The following XRCC4 variants were observed in gnomAD, a reference collection of about 807,000 sequenced individuals.
XRCC4 encodes the protein X-ray repair cross complementing 4.
A neutral mutation model predicts 39.1 loss-of-function variants in XRCC4; 28 were observed. That is an observed-to-expected ratio of 0.72 (90% CI 0.53 to 0.98). The LOEUF (loss-of-function observed/expected upper bound fraction) is 0.98, where lower values mean the gene tolerates loss of function less well. Ranked by LOEUF, XRCC4 falls within the 50% of genes least tolerant of loss-of-function variation. XRCC4 has a pLI of 0.00. For synonymous variants in XRCC4, 123 were observed against 126.4 expected (o/e 0.97, Z 0.18); for missense variants, 350 against 376.4 (o/e 0.93, Z 0.58).
intron 3 of XRCC4, among the ~76,000 whole-genome samples, chr5:83,112,105 G>T (rs1441220153): frequency 6.6e-6 from 1 of 151,108 alleles, no homozygotes; most frequent in Non-Finnish European, 1.5e-5. Context: ...AGGGAATAAT[G>T]CAGAGAAACT....
chr5:83,291,143 C>T (rs184279147), intron 7 of XRCC4, among the ~76,000 whole-genome samples: 3 of 151,576 alleles, frequency 2.0e-5, no homozygotes, highest in South Asian at 4.2e-4. Context: ...ACAAAAGAAA[C>T]AAACAAAAAT....
chr5:83,186,983 G>A (rs1750475522), intron 3 of XRCC4, among the ~76,000 whole-genome samples: 1 of 39,064 alleles, frequency 2.6e-5, no homozygotes, highest in Non-Finnish European at 5.3e-5. Flanking sequence ...TCGCTCTGTC[G>A]CCCAGGCTGG....
At chr5:83,286,755 A>T (rs1387759103) in intron 7 of XRCC4, among the ~76,000 whole-genome samples, 1 of 152,126 alleles carries the variant, frequency 6.6e-6, no homozygotes, top group African/African-American at 2.4e-5. Context: ...GACACATAAA[A>T]CTAACCATCA....
intron 6 of XRCC4, among the ~76,000 whole-genome samples, chr5:83,233,245 A>G (rs1434292437): frequency 6.6e-6 from 1 of 152,154 alleles, no homozygotes. Context: ...TGTCAATATA[A>G]ATCCTACTTA....
At chr5:83,348,750 C>T (rs1488444098) in intron 7 of XRCC4, among the ~76,000 whole-genome samples, 1 of 152,238 alleles carries the variant, frequency 6.6e-6, no homozygotes, top group Non-Finnish European at 1.5e-5. Flanking sequence ...TTTTTCTTTT[C>T]TACCATATGG....
intron 7 of XRCC4, among the ~76,000 whole-genome samples, chr5:83,282,196 A>C (rs1329900155): frequency 6.6e-6 from 1 of 152,202 alleles, no homozygotes; most frequent in African/African-American, 2.4e-5. Flanking sequence ...GACAATGTCG[A>C]AGTTGCTTGG....
intron 6 of XRCC4, among the ~76,000 whole-genome samples, chr5:83,209,623 A>G (rs1367283406): frequency 1.3e-5 from 2 of 152,076 alleles, no homozygotes; most frequent in African/African-American, 2.4e-5. Flanking sequence ...TTGAAAAGCT[A>G]TGCTTAATTG....
chr5:83,131,927 C>T (rs1479173374), intron 3 of XRCC4, among the ~76,000 whole-genome samples: 16 of 152,094 alleles, frequency 1.1e-4, no homozygotes, highest in Non-Finnish European at 1.8e-4. Flanking sequence ...GTCATTATGA[C>T]GTTAGCTGGT....
At chr5:83,304,466 T>C (rs1157386368) in intron 7 of XRCC4, among the ~76,000 whole-genome samples, 1 of 152,222 alleles carries the variant, frequency 6.6e-6, no homozygotes, top group Non-Finnish European at 1.5e-5. Context: ...GATATTAGAA[T>C]ACACCTATAA....
chr5:83,105,183 T>TGCCAC, intron 2 of XRCC4, 125 bp downstream of exon 2: 1 of 893,876 alleles, frequency 1.1e-6, no homozygotes, highest in Non-Finnish European at 1.6e-6. Flanking sequence ...TGCTGTCAAA[T>TGCCAC]TTATACACAG....
intron 6 of XRCC4, among the ~76,000 whole-genome samples, chr5:83,232,478 CTG>C (rs368264035): frequency 6.5e-4 from 99 of 152,118 alleles, no homozygotes; most frequent in African/African-American, 2.3e-3. Flanking sequence ...TTTAGGAAGA[CTG>C]TTGCTTAAAG....
intron 1 of XRCC4, among the ~76,000 whole-genome samples, chr5:83,103,029 T>TATATATATATATATATATATA (rs932725926): frequency 6.8e-6 from 1 of 146,258 alleles, no homozygotes; most frequent in Non-Finnish European, 1.5e-5. Context: ...TATATATATA[T>TATATATATATATATATATATA]ATGTCAACAT....
intron 1 of XRCC4, among the ~76,000 whole-genome samples, chr5:83,094,408 C>T (rs1269830050): frequency 6.9e-6 from 1 of 144,320 alleles, no homozygotes; most frequent in Non-Finnish European, 1.5e-5. Context: ...CTCCTCTCCC[C>T]TCTCCTCCCC....
At chr5:83,084,099 A>G (rs944709836) in intron 1 of XRCC4, among the ~76,000 whole-genome samples, 1 of 152,168 alleles carries the variant, frequency 6.6e-6, no homozygotes, top group African/African-American at 2.4e-5. Context: ...GAATGTTTTA[A>G]TGCATTAATG....
chr5:83,301,427 T>C (rs947873650), intron 7 of XRCC4, among the ~76,000 whole-genome samples: 1 of 152,230 alleles, frequency 6.6e-6, no homozygotes, highest in Non-Finnish European at 1.5e-5. Flanking sequence ...ATGGGGTTGT[T>C]TTTTTCTTGT....
chr5:83,194,268 T>C (rs893166766), intron 3 of XRCC4, among the ~76,000 whole-genome samples: 1 of 152,202 alleles, frequency 6.6e-6, no homozygotes, highest in African/African-American at 2.4e-5. Context: ...TCTTTAACTT[T>C]GTGTGTATAT....
chr5:83,354,876 A>G (rs1757172299), downstream of XRCC4, among the ~76,000 whole-genome samples: 1 of 151,954 alleles, frequency 6.6e-6, no homozygotes, highest in Admixed American at 6.6e-5. Flanking sequence ...CTCCTTCCTC[A>G]CTGGTCTCCC....
intron 6 of XRCC4, among the ~76,000 whole-genome samples, chr5:83,256,690 AT>A (rs1192735163): frequency 2.0e-5 from 3 of 151,914 alleles, no homozygotes; most frequent in African/African-American, 4.8e-5. Context: ...TTCCCCATAC[AT>A]TTTTAGAGGC....
intron 3 of XRCC4, among the ~76,000 whole-genome samples, chr5:83,160,759 T>C (rs1271466220): frequency 2.0e-5 from 3 of 152,280 alleles, no homozygotes; most frequent in Admixed American, 2.0e-4. Flanking sequence ...TGGTTGTTTG[T>C]AGACAAGTAC....
Sources: allele counts gnomAD v4.1 joint callset (sites outside exome capture counted in the v4.1 genomes callset), GRCh38; gene constraint gnomAD v4.1.1; transcripts MANE v1.5; gene names NCBI Gene and HGNC (gene_info 2026-07-23, HGNC 2026-07-21).